The following PPP6R2 variants were observed in gnomAD, a reference collection of about 807,000 sequenced individuals.
PPP6R2 encodes serine/threonine-protein phosphatase 6 regulatory subunit 2.
Under a neutral mutation model 100.2 loss-of-function variants are expected in PPP6R2, and 62 were observed. That is an observed-to-expected ratio of 0.62 (90% CI 0.50 to 0.76). PPP6R2 has a LOEUF of 0.76. PPP6R2 is among the 30% of genes least tolerant of loss of function. The pLI is 0.00. For missense variants in PPP6R2, 1,142 were observed against 1,276.3 expected (o/e 0.89, Z 1.60); for synonymous variants, 525 against 514.7 (o/e 1.02, Z -0.27).
intron 1 of PPP6R2, among the ~76,000 whole-genome samples, chr22:50,370,218 T>C (rs1354761515): frequency 6.6e-6 from 1 of 152,192 alleles, no homozygotes; most frequent in African/African-American, 2.4e-5. Flanking sequence ...AAATTTAGAA[T>C]GTTTTAGCTT....
chr22:50,380,371 T>G (rs1411840602), intron 2 of PPP6R2, among the ~76,000 whole-genome samples: 2 of 147,246 alleles, frequency 1.4e-5, no homozygotes, highest in African/African-American at 2.5e-5. Context: ...CGCCTGATGT[T>G]TTTTTTTTTG....
At chr22:50,360,815 C>T (rs1394991873) in intron 1 of PPP6R2, among the ~76,000 whole-genome samples, 6 of 152,212 alleles carry the variant, frequency 3.9e-5, no homozygotes, top group Non-Finnish European at 8.8e-5. Context: ...TCACACCAGT[C>T]TCTCTCAGGT....
chr22:50,339,777 GGT>G (rs1048059807), upstream of PPP6R2, among the ~76,000 whole-genome samples: 4 of 123,914 alleles, frequency 3.2e-5, no homozygotes, highest in African/African-American at 1.1e-4. Context: ...TGTGGTATGT[GGT>G]GTGTGTGTGG....
intron 3 of PPP6R2, among the ~76,000 whole-genome samples, chr22:50,405,777 A>G (rs1409493801): frequency 2.6e-5 from 3 of 116,324 alleles, no homozygotes; most frequent in Non-Finnish European, 3.6e-5. Context: ...GAGAGAGGTG[A>G]GAGGCCTGGA....
chr22:50,340,423 GGTGT>G (rs1217821914), upstream of PPP6R2, among the ~76,000 whole-genome samples: 1 of 137,074 alleles, frequency 7.3e-6, no homozygotes, highest in African/African-American at 2.8e-5. Context: ...GGGTGTGTGT[GGTGT>G]GTGTGGTGTG....
chr22:50,443,127 A>G (rs1256509957), intron 22 of PPP6R2: 3 of 152,208 alleles, frequency 2.0e-5, no homozygotes, highest in Non-Finnish European at 4.4e-5. Flanking sequence ...CGGCCTGCGC[A>G]TGAGAGAGAC....
intron 10 of PPP6R2, among the ~76,000 whole-genome samples, chr22:50,424,499 C>T (rs867799267): frequency 6.6e-6 from 1 of 150,388 alleles, no homozygotes; most frequent in Non-Finnish European, 1.5e-5. Flanking sequence ...CGTCTGTCAG[C>T]GTGTGGAAGG....
chr22:50,397,578 C>T (rs545343767), intron 3 of PPP6R2, among the ~76,000 whole-genome samples: 26 of 142,338 alleles, frequency 1.8e-4, no homozygotes, highest in African/African-American at 6.6e-4. Flanking sequence ...CCTGTCATCT[C>T]TGAGTTTTTC....
At chr22:50,384,688 C>G (rs964630776) in intron 2 of PPP6R2, among the ~76,000 whole-genome samples, 1 of 151,784 alleles carries the variant, frequency 6.6e-6, no homozygotes, top group African/African-American at 2.4e-5. Context: ...TGGGACATCA[C>G]GTGGCAAGGG....
the PPP6R2 span, among the ~76,000 whole-genome samples, chr22:50,336,578 G>C: frequency 2.0e-5 from 3 of 151,440 alleles, no homozygotes; most frequent in Non-Finnish European, 4.4e-5. Context: ...TTTTTTTTTA[G>C]AGACTGGGTC....
chr22:50,369,905 ATTTTTTTT>A (rs1353992863), intron 1 of PPP6R2, among the ~76,000 whole-genome samples: 1 of 123,642 alleles, frequency 8.1e-6, no homozygotes, highest in African/African-American at 3.3e-5. Context: ...CAGCTAAGTA[ATTTTTTTT>A]TTTTTTTTTT....
intron 10 of PPP6R2, among the ~76,000 whole-genome samples, chr22:50,429,383 C>T (rs1020000119): frequency 6.6e-6 from 1 of 152,134 alleles, no homozygotes; most frequent in African/African-American, 2.4e-5. Context: ...GATCATTTGG[C>T]TTTCGTCCTT....
At chr22:50,428,409 C>T (rs1252860968) in intron 10 of PPP6R2, among the ~76,000 whole-genome samples, 1 of 152,038 alleles carries the variant, frequency 6.6e-6, no homozygotes, top group Non-Finnish European at 1.5e-5. Context: ...TTAGAATTTT[C>T]TATGTGTAAG....
chr22:50,423,420 T>C lies in PPP6R2; in HGVS notation c.973-42T>C, dbSNP rs766834073. The C allele has an allele frequency of 6.2e-7, 1 of 1,611,276 alleles. No homozygotes were observed. Among genetic ancestry groups the C allele is most frequent in the South Asian group, 1.1e-5 (1 of 91,020 alleles). ...CCAGAGACTCCAGCAGTGGCCTCAC[T>C]GCTCACAGGGCCTAACTGGGTGGTG... On this transcript the variant is annotated intron_variant, in intron 9 of 23. Transcript: ENST00000612753. The surrounding 1 kb of genome is among the most constrained non-coding windows in gnomAD (Gnocchi z 4.8).
At chr22:50,428,332 G>C (rs777684515) in intron 10 of PPP6R2, among the ~76,000 whole-genome samples, 1 of 152,164 alleles carries the variant, frequency 6.6e-6, no homozygotes, top group Non-Finnish European at 1.5e-5. Context: ...GCTTTTTTGT[G>C]TGTCAATTTT....
intron 1 of PPP6R2, among the ~76,000 whole-genome samples, chr22:50,361,937 C>T (rs757634825): frequency 2.6e-5 from 4 of 152,264 alleles, no homozygotes; most frequent in South Asian, 4.1e-4. Flanking sequence ...TGACTGTTCT[C>T]TGTCTTGGAG....
chr22:50,338,553 GGTA>G (rs2042329724), upstream of PPP6R2, among the ~76,000 whole-genome samples: 3 of 121,882 alleles, frequency 2.5e-5, no homozygotes, highest in South Asian at 6.3e-4. Flanking sequence ...TGGTGTGTGT[GGTA>G]TGTAGTGTGT....
chr22:50,389,074 A>G (rs909762152), intron 2 of PPP6R2: 12 of 152,200 alleles, frequency 7.9e-5, no homozygotes, highest in Non-Finnish European at 1.3e-4. Context: ...TGAAAAAGGA[A>G]AGAAGCTGAA....
intron 11 of PPP6R2, among the ~76,000 whole-genome samples, 177 bp from the exon 12 acceptor site, chr22:50,432,085 CCCT>C (rs2063254488): frequency 6.6e-6 from 1 of 152,158 alleles, no homozygotes; most frequent in Non-Finnish European, 1.5e-5. Flanking sequence ...CCGAACCGCA[CCCT>C]CCTCTGGTGT....
Sources: gnomAD v4.1 joint callset for allele counts (sites outside exome capture counted in the v4.1 genomes callset) on GRCh38, gnomAD v4.1.1 for gene constraint, Gnocchi (gnomAD v3.1) non-coding constraint, MANE v1.5 for transcripts, NCBI Gene and HGNC (gene_info 2026-07-23, HGNC 2026-07-21) for gene names.